The following ZMYM2 variants were observed in gnomAD, a reference collection of about 807,000 sequenced individuals.
The protein encoded by ZMYM2 is zinc finger MYM-type protein 2.
ZMYM2 carries 56 observed loss-of-function variants against 162.8 expected under a neutral mutation model. The ratio of observed to expected loss-of-function variants is 0.34; its 90% CI spans 0.28 to 0.43. The LOEUF (loss-of-function observed/expected upper bound fraction) is 0.43, where lower values mean the gene tolerates loss of function less well. ZMYM2 is among the 20% of genes least tolerant of loss of function. The probability of loss-of-function intolerance (pLI) is 1.00; values close to 1 mark genes in which losing one functional copy is unlikely to be tolerated. For missense variants in ZMYM2, 1,275 were observed against 1,621.8 expected (o/e 0.79, Z 3.67); for synonymous variants, 510 against 541.6 (o/e 0.94, Z 0.81).
intron 3 of ZMYM2, among the ~76,000 whole-genome samples, chr13:20,000,466 A>G (rs1950312407): frequency 6.6e-6 from 1 of 152,208 alleles, no homozygotes; most frequent in Admixed American, 6.5e-5. Context: ...AGAGGTTAAT[A>G]TACTTAGTGA....
the ZMYM2 span, among the ~76,000 whole-genome samples, chr13:19,906,506 G>T: frequency 1.4e-5 from 2 of 145,216 alleles, no homozygotes; most frequent in South Asian, 2.2e-4. Flanking sequence ...TTTGCTATTT[G>T]TTTTCTATAT....
the ZMYM2 span, among the ~76,000 whole-genome samples, chr13:19,896,757 T>A: frequency 8.3e-6 from 1 of 120,240 alleles, no homozygotes; most frequent in Non-Finnish European, 1.7e-5. Flanking sequence ...CAAGACTCCA[T>A]CTCAAAAAAA....
chr13:19,866,612 C>T, the ZMYM2 span, among the ~76,000 whole-genome samples: 3 of 152,042 alleles, frequency 2.0e-5, no homozygotes, highest in African/African-American at 7.2e-5. Context: ...TGCGGTGAGC[C>T]GAGATTGCAC....
At chr13:19,879,894 C>A in the ZMYM2 span, among the ~76,000 whole-genome samples, 4 of 152,202 alleles carry the variant, frequency 2.6e-5, no homozygotes, top group African/African-American at 7.2e-5. Flanking sequence ...TCGGCCCTCA[C>A]TAATGTGCGT....
intron 16 of ZMYM2, 110 bp downstream of exon 16, chr13:20,059,672 A>G (rs1956084255): frequency 1.6e-6 from 1 of 642,986 alleles, no homozygotes; most frequent in East Asian, 2.9e-5. Flanking sequence ...ATGCATCCAC[A>G]TATGTGGATG....
the ZMYM2 span, among the ~76,000 whole-genome samples, chr13:19,865,946 A>T: frequency 6.6e-6 from 1 of 152,236 alleles, no homozygotes; most frequent in South Asian, 2.1e-4. Flanking sequence ...CTGCCTTTGA[A>T]TCGTACTTTA....
intron 4 of ZMYM2, 88 bp from the exon 5 acceptor site, chr13:20,004,986 A>T: frequency 1.0e-6 from 1 of 974,460 alleles, no homozygotes; most frequent in Non-Finnish European, 1.5e-6. Context: ...TGCAGGACTT[A>T]GTCTATAGAA....
chr13:20,058,724 C>T lies in ZMYM2; in HGVS notation c.2623+20C>T. 1 of 1,611,838 alleles carries T rather than the reference C, an allele frequency of 6.2e-7. No homozygotes were observed. Among genetic ancestry groups the T allele is most frequent in the Non-Finnish European group, 8.5e-7 (1 of 1,178,814 alleles). On this transcript the variant is annotated intron_variant, in intron 15 of 24. Coordinates refer to ENST00000610343, the MANE Select transcript of ZMYM2 (RefSeq NM_197968.4). ...AGACAGGTAACTTAGGACAATGTGA[C>T]TTACATACTTCCCCATACCTTCATC...
intron 18 of ZMYM2, among the ~76,000 whole-genome samples, chr13:20,063,579 G>A (rs1956394074): frequency 1.4e-5 from 2 of 147,660 alleles, no homozygotes; most frequent in Admixed American, 6.8e-5. Context: ...TCAGGAGTTT[G>A]AGACCAGCCT....
intron 2 of ZMYM2, among the ~76,000 whole-genome samples, chr13:19,979,953 C>T (rs540796980): frequency 7.9e-5 from 12 of 152,286 alleles, no homozygotes; most frequent in African/African-American, 1.4e-4. Context: ...CACACCATTT[C>T]GCCTAAAGTC....
chr13:19,903,483 CAAAA>C, the ZMYM2 span, among the ~76,000 whole-genome samples: 26 of 83,718 alleles, frequency 3.1e-4, no homozygotes, highest in African/African-American at 1.0e-3. Flanking sequence ...ACTAAAAATA[CAAAA>C]AAAAAAAAAA....
chr13:19,984,437 A>G (rs1419901994), intron 2 of ZMYM2, among the ~76,000 whole-genome samples: 1 of 152,242 alleles, frequency 6.6e-6, no homozygotes. Context: ...GAGTTAGGTA[A>G]GTATTTAGGA....
intron 6 of ZMYM2, among the ~76,000 whole-genome samples, chr13:20,018,157 T>C (rs929812925): frequency 6.6e-6 from 1 of 152,220 alleles, no homozygotes; most frequent in Non-Finnish European, 1.5e-5. Context: ...GAGTTCCTTA[T>C]ACTGTTCCCC....
chr13:19,901,966 T>C, the ZMYM2 span, among the ~76,000 whole-genome samples: 1 of 152,076 alleles, frequency 6.6e-6, no homozygotes, highest in Non-Finnish European at 1.5e-5. Flanking sequence ...AACTTTAAAA[T>C]TTTTTAGATA....
At chr13:19,877,974 G>A in the ZMYM2 span, among the ~76,000 whole-genome samples, 2 of 151,832 alleles carry the variant, frequency 1.3e-5, no homozygotes, top group Non-Finnish European at 2.9e-5. Context: ...CACAGCATCT[G>A]TACCATTTTA....
intron 14 of ZMYM2, among the ~76,000 whole-genome samples, chr13:20,057,415 CAT>C (rs1219478099): frequency 6.6e-6 from 1 of 152,038 alleles, no homozygotes; most frequent in African/African-American, 2.4e-5. Context: ...TGGGATTACA[CAT>C]GTGAGCCAAT....
Position 20,005,120 on chromosome 13 carries a change from A to C in ZMYM2, c.1180A>C (p.Ser394Arg). Reference sequence around the variant, plus strand: ...AACCATTGTTGCTCAAGTGGATTCAAGTGAGTCCTTCCAGGAATTCTGTAG... The same window carrying C: ...AACCATTGTTGCTCAAGTGGATTCACGTGAGTCCTTCCAGGAATTCTGTAG... ...KGTIVAQVDS[S>R]ESFQEFCSTS... The change falls in exon 5 of 25, where the codon AGT becomes CGT. Residue 394 changes from serine (S) to arginine (R), a missense_variant. Ser to Arg is a moderately radical substitution (Grantham distance 110). Coordinates refer to ENST00000610343, the MANE Select transcript of ZMYM2 (RefSeq NM_197968.4). The C allele has an allele frequency of 6.2e-7, 1 of 1,607,910 alleles. No individual in the cohort carries two copies. The highest frequency in any genetic ancestry group is 8.5e-7 in the Non-Finnish European group (1 of 1,178,016).
chr13:19,930,935 C>T, the ZMYM2 span, among the ~76,000 whole-genome samples: 6 of 150,384 alleles, frequency 4.0e-5, no homozygotes, highest in Non-Finnish European at 7.4e-5. Context: ...GTCAGGAGAT[C>T]GAGACCATCC....
intron 2 of ZMYM2, among the ~76,000 whole-genome samples, chr13:19,967,883 T>C (rs1305950341): frequency 1.3e-5 from 2 of 152,232 alleles, no homozygotes; most frequent in African/African-American, 2.4e-5. Context: ...GTAAACTTAG[T>C]GTGTGCTTAT....
Sources: gnomAD v4.1 joint callset for allele counts (sites outside exome capture counted in the v4.1 genomes callset) on GRCh38, gnomAD v4.1.1 for gene constraint, MANE v1.5 for transcripts, NCBI Gene and HGNC (gene_info 2026-07-23, HGNC 2026-07-21) for gene names.